Variants in DIP2C observed in about 807,000 individuals in gnomAD.
DIP2C encodes the protein disco-interacting protein 2 homolog C.
A neutral mutation model predicts 192.4 loss-of-function variants in DIP2C; 33 were observed. The observed-to-expected ratio is 0.17, with a 90% CI of 0.13 to 0.23. The LOEUF (loss-of-function observed/expected upper bound fraction) is 0.23. DIP2C is among the 10% of genes least tolerant of loss of function. The pLI, the probability that DIP2C is intolerant of heterozygous loss-of-function variation, is 1.00. For synonymous variants in DIP2C, 979 were observed against 864.1 expected (o/e 1.13, Z -2.33); for missense variants, 1,537 against 2,110.1 (o/e 0.73, Z 5.32).
intron 1 of DIP2C, among the ~76,000 whole-genome samples, chr10:568,289 C>T (rs903367754): frequency 1.3e-5 from 2 of 152,210 alleles, no homozygotes; most frequent in African/African-American, 4.8e-5. Flanking sequence ...GCAGTGCTTT[C>T]TCCTTGCAAA....
At chr10:570,333 G>A (rs947776744) in intron 1 of DIP2C, among the ~76,000 whole-genome samples, 19 of 152,082 alleles carry the variant, frequency 1.2e-4, no homozygotes, top group Admixed American at 1.3e-4. Context: ...CCAAGCACAG[G>A]GCCCTGCTGA....
intron 32 of DIP2C, among the ~76,000 whole-genome samples, chr10:307,449 A>G (rs1247764762): frequency 6.6e-6 from 1 of 152,090 alleles, no homozygotes; most frequent in Admixed American, 6.5e-5. Flanking sequence ...AAGGAAGGAG[A>G]GGGCTTTGGG....
chr10:466,839 T>C (rs570112479), intron 3 of DIP2C, among the ~76,000 whole-genome samples: 9 of 134,050 alleles, frequency 6.7e-5, no homozygotes, highest in African/African-American at 2.0e-4. Context: ...TGAGATATCA[T>C]CGCACACCAG....
intron 7 of DIP2C, among the ~76,000 whole-genome samples, chr10:415,539 T>C (rs1409864560): frequency 6.6e-6 from 1 of 152,030 alleles, no homozygotes; most frequent in African/African-American, 2.4e-5. Flanking sequence ...CTGACCTGGG[T>C]CACAGAACAA....
intron 14 of DIP2C, 21 bp downstream of exon 14, chr10:387,724 G>A (rs376140723): frequency 3.1e-4 from 501 of 1,613,708 alleles, no homozygotes; most frequent in Non-Finnish European, 3.9e-4. Context: ...GGACAGACAC[G>A]GCCGGGGGGA....
chr10:359,785 A>T (rs1471300756), intron 22 of DIP2C, among the ~76,000 whole-genome samples: 3 of 152,160 alleles, frequency 2.0e-5, no homozygotes, highest in Non-Finnish European at 2.9e-5. Context: ...TGAATGAAGC[A>T]TCTTTAACAG....
chr10:619,472 T>G (rs1853697568), intron 1 of DIP2C, among the ~76,000 whole-genome samples: 1 of 145,550 alleles, frequency 6.9e-6, no homozygotes, highest in African/African-American at 2.6e-5. Context: ...TGGCGGCTCC[T>G]CAACAGGAAG....
intron 1 of DIP2C, among the ~76,000 whole-genome samples, chr10:495,712 G>GC (rs1322282185): frequency 6.6e-6 from 1 of 151,998 alleles, no homozygotes; most frequent in Non-Finnish European, 1.5e-5. Context: ...ACCCACATGT[G>GC]CCCTCCCGTG....
intron 1 of DIP2C, among the ~76,000 whole-genome samples, chr10:592,117 G>C (rs1007394195): frequency 1.5e-4 from 23 of 152,194 alleles, no homozygotes; most frequent in African/African-American, 5.3e-4. Flanking sequence ...CGTATAATTA[G>C]ACATTCTCAC....
At chr10:627,800 T>A (rs945007111) in intron 1 of DIP2C, among the ~76,000 whole-genome samples, 1 of 152,214 alleles carries the variant, frequency 6.6e-6, no homozygotes, top group Non-Finnish European at 1.5e-5. Flanking sequence ...CGTGGACGCT[T>A]ACAGGACTTC....
At chr10:530,100 T>A (rs1022754056) in intron 1 of DIP2C, among the ~76,000 whole-genome samples, 4 of 152,236 alleles carry the variant, frequency 2.6e-5, no homozygotes, top group African/African-American at 9.6e-5. Flanking sequence ...GCCGTCTAAG[T>A]GACTGACAGC....
chr10:569,744 C>T (rs1260725457), intron 1 of DIP2C, among the ~76,000 whole-genome samples: 2 of 152,156 alleles, frequency 1.3e-5, no homozygotes, highest in Non-Finnish European at 2.9e-5. Context: ...GACGGCTGTG[C>T]AGGCTCAGGC....
chr10:546,657 C>G (rs1848300888), intron 1 of DIP2C, among the ~76,000 whole-genome samples: 1 of 152,238 alleles, frequency 6.6e-6, no homozygotes, highest in South Asian at 2.1e-4. Flanking sequence ...GTCGACGGGC[C>G]TTTCTGCCCC....
At chr10:606,722 G>A (rs887144396) in intron 1 of DIP2C, among the ~76,000 whole-genome samples, 1 of 152,182 alleles carries the variant, frequency 6.6e-6, no homozygotes, top group African/African-American at 2.4e-5. Flanking sequence ...CTGCCTCCTT[G>A]CAAACAACAA....
chr10:578,311 C>T (rs546296241), intron 1 of DIP2C, among the ~76,000 whole-genome samples: 3 of 152,260 alleles, frequency 2.0e-5, no homozygotes, highest in South Asian at 2.1e-4. Flanking sequence ...AAATACTCCA[C>T]GAATAAAGAA....
intron 3 of DIP2C, among the ~76,000 whole-genome samples, chr10:451,240 C>A (rs1016519673): frequency 1.3e-5 from 2 of 152,240 alleles, no homozygotes; most frequent in Non-Finnish European, 2.9e-5. Context: ...CTAATCTCTG[C>A]AGTGCAGTCC....
At chr10:497,739 T>C (rs1471339085) in intron 1 of DIP2C, among the ~76,000 whole-genome samples, 1 of 152,148 alleles carries the variant, frequency 6.6e-6, no homozygotes, top group African/African-American at 2.4e-5. Flanking sequence ...AGTTCCGCCA[T>C]ACAGATGGGA....
At chr10:285,363 C>T (rs1363607206) in intron 34 of DIP2C, among the ~76,000 whole-genome samples, 3 of 152,166 alleles carry the variant, frequency 2.0e-5, no homozygotes, top group Non-Finnish European at 4.4e-5. Flanking sequence ...ACATGTGCTG[C>T]TGGGAGCCAT....
At chr10:304,440 G>C (rs1392234847) in intron 32 of DIP2C, among the ~76,000 whole-genome samples, 1 of 152,154 alleles carries the variant, frequency 6.6e-6, no homozygotes. Flanking sequence ...AGACAGCCCA[G>C]CTCTCAGTCT....
Sources: gnomAD v4.1 joint callset for allele counts (sites outside exome capture counted in the v4.1 genomes callset) on GRCh38, gnomAD v4.1.1 for gene constraint, MANE v1.5 for transcripts, NCBI Gene and HGNC (gene_info 2026-07-23, HGNC 2026-07-21) for gene names.